Variants in ANKRD40CL observed in about 807,000 individuals in gnomAD.
The protein encoded by ANKRD40CL is ANKRD40 C-terminal like.
For missense variants in ANKRD40CL, 11 were observed against 6.4 expected (o/e 1.71, Z -0.77); for synonymous variants, 5 against 2.3 (o/e 2.14, Z -1.04).
At chr17:50,764,454 G>A in intron 2 of ANKRD40CL, 2 of 385,708 alleles carry the variant, frequency 5.2e-6, no homozygotes, top group East Asian at 7.4e-5. Context: ...TCATGAAAAG[G>A]AGCTGAGACA....
intron 1 of ANKRD40CL, 129 bp downstream of exon 1, chr17:50,767,334 G>T (rs1251437056): frequency 1.1e-5 from 4 of 369,250 alleles, no homozygotes; most frequent in Non-Finnish European, 1.6e-5. Context: ...TACACCAGGG[G>T]TAAGAAAAAC....
Position 50,766,885 on chromosome 17 carries a change from TC to T in ANKRD40CL, c.28del (p.Glu10ArgfsTer20). 1.5e-6 allele frequency: 1 copy of T among 667,608 alleles called. No homozygotes were observed. The highest frequency in any genetic ancestry group is 2.7e-5 in the East Asian group (1 of 36,944). 41.4% of individuals were successfully genotyped at this position (667,608 alleles called of 1,614,324 possible). MAEPEQDIG[E>X]KPAVRIQNPK... ...ACTCCCAGACTCACCTGCTGGCTTCTCCCCGATGTCCTGTTCCGGTTCAGCC... is the reference window on the plus strand; with the variant it reads ...ACTCCCAGACTCACCTGCTGGCTTCTCCCGATGTCCTGTTCCGGTTCAGCC... On this transcript the variant is annotated frameshift_variant, in exon 2 of 4. Coordinates refer to ENST00000450727, the MANE Select transcript of ANKRD40CL (RefSeq NM_001358683.3). LOFTEE classifies it high-confidence loss of function.
intron 2 of ANKRD40CL, 171 bp from the exon 3 acceptor site, chr17:50,763,728 G>A: frequency 2.5e-6 from 1 of 394,108 alleles, no homozygotes; most frequent in Non-Finnish European, 4.5e-6. Flanking sequence ...CATTAGCTGA[G>A]GGTTCTTTTC....
intron 2 of ANKRD40CL, 57 bp from the exon 3 acceptor site, chr17:50,763,614 A>C (rs944283240): frequency 1.0e-5 from 4 of 398,840 alleles, no homozygotes; most frequent in Non-Finnish European, 1.8e-5. Context: ...TAAAGGAAAC[A>C]AAATACCTGT....
intron 2 of ANKRD40CL, 144 bp from the exon 3 acceptor site, chr17:50,763,701 G>C: frequency 2.5e-6 from 1 of 396,418 alleles, no homozygotes; most frequent in Non-Finnish European, 4.4e-6. Context: ...AGCTTTCATG[G>C]GCACATACAC....
At chr17:50,766,159 C>T (rs189251086) in intron 2 of ANKRD40CL, among the ~76,000 whole-genome samples, 12 of 152,246 alleles carry the variant, frequency 7.9e-5, no homozygotes, top group South Asian at 2.1e-4. Flanking sequence ...CCCTAGTGAG[C>T]GGGGATCTGC....
At chr17:50,766,703 C>T in intron 2 of ANKRD40CL, 171 bp downstream of exon 2, 1 of 534,282 alleles carries the variant, frequency 1.9e-6, no homozygotes, top group Non-Finnish European at 3.3e-6. Flanking sequence ...ACACTTGCTT[C>T]CTTCTGAAAG....
chr17:50,766,890 G>T lies in ANKRD40CL; in HGVS notation c.24C>A (p.Ile8=). MAEPEQD[I]GEKPAVRIQN... ...CAGACTCACCTGCTGGCTTCTCCCCGATGTCCTGTTCCGGTTCAGCCATGA... is the reference window on the plus strand; with the variant it reads ...CAGACTCACCTGCTGGCTTCTCCCCTATGTCCTGTTCCGGTTCAGCCATGA... Residue 8 remains isoleucine, a synonymous_variant, in exon 2 of 4, where the codon ATC becomes ATA. Transcript: ENST00000450727. 1.5e-6 allele frequency: 1 copy of T among 674,980 alleles called. No homozygotes were observed. Among genetic ancestry groups the T allele is most frequent in the East Asian group, 2.7e-5 (1 of 36,986 alleles). 41.8% of individuals were successfully genotyped at this position (674,980 alleles called of 1,614,324 possible).
chr17:50,764,025 A>C lies in ANKRD40CL; in HGVS notation c.41-468T>G, dbSNP rs74794843. ...CCCCCACTCCTCCAGAAATAGGATA[A>C]TTCTACCATCTTTCAGGACAGTGGC... is the stretch of plus-strand genomic sequence containing the variant. On this transcript the variant is annotated intron_variant, in intron 2 of 3. Coordinates refer to ENST00000450727, the MANE Select transcript of ANKRD40CL (RefSeq NM_001358683.3). 1.0e-3 allele frequency: 407 copies of C among 396,736 alleles called. 2 individuals are homozygous for C. The highest frequency in any genetic ancestry group is 7.6e-3 in the African/African-American group (372 of 48,736). 24.6% of individuals were successfully genotyped at this position (396,736 alleles called of 1,614,324 possible).
intron 2 of ANKRD40CL, among the ~76,000 whole-genome samples, chr17:50,765,864 T>A (rs1971302173): frequency 6.6e-6 from 1 of 152,170 alleles, no homozygotes; most frequent in Non-Finnish European, 1.5e-5. Flanking sequence ...ACCATATGTA[T>A]GAGCTGAGGC....
chr17:50,762,597 C>G (rs1262296942), intron 3 of ANKRD40CL, among the ~76,000 whole-genome samples: 1 of 151,742 alleles, frequency 6.6e-6, no homozygotes, highest in Non-Finnish European at 1.5e-5. Flanking sequence ...AAAAAAATTG[C>G]CAAAGGAATT....
chr17:50,762,579 C>CA (rs1176087846), intron 3 of ANKRD40CL, among the ~76,000 whole-genome samples: 1 of 150,640 alleles, frequency 6.6e-6, no homozygotes, highest in Non-Finnish European at 1.5e-5. Flanking sequence ...CTCAAAAAAA[C>CA]AAAAAACAAA....
rs1178893474 is a variant in ANKRD40CL, at chr17:50,766,864, C to T, written c.40+10G>A. 1 of 649,234 alleles carries T rather than the reference C, an allele frequency of 1.5e-6. No individual in the cohort carries two copies. The highest frequency in any genetic ancestry group is 1.9e-5 in the African/African-American group (1 of 51,300). The allele number at this position is 649,234 out of a possible 1,614,324, so 40.2% of individuals were successfully genotyped here. On this transcript the variant is annotated intron_variant, in intron 2 of 3. Coordinates refer to ENST00000450727, the MANE Select transcript of ANKRD40CL (RefSeq NM_001358683.3). ...GAGGACCATGTTGGGAACAGGACTCCCAGACTCACCTGCTGGCTTCTCCCC... is the reference window on the plus strand; with the variant it reads ...GAGGACCATGTTGGGAACAGGACTCTCAGACTCACCTGCTGGCTTCTCCCC...
chr17:50,763,999 AC>A (rs1348296739), intron 2 of ANKRD40CL: 5 of 395,180 alleles, frequency 1.3e-5, no homozygotes, highest in Non-Finnish European at 2.2e-5. Flanking sequence ...CCTACCCACC[AC>A]CCCCACTCCT....
At chr17:50,763,985 G>A (rs892961581) in intron 2 of ANKRD40CL, 35 of 394,930 alleles carry the variant, frequency 8.9e-5, no homozygotes, top group Middle Eastern at 1.3e-3. Flanking sequence ...TCGCTCTTGA[G>A]ATTCCTACCC....
intron 2 of ANKRD40CL, 81 bp downstream of exon 2, chr17:50,766,793 A>G: frequency 1.7e-6 from 1 of 597,750 alleles, no homozygotes; most frequent in Non-Finnish European, 2.9e-6. Flanking sequence ...TGGCCACAGC[A>G]TCACCTGTGT....
Position 50,761,033 on chromosome 17 carries a change from A to ATTAT in ANKRD40CL, c.*326_*329dup, listed in dbSNP as rs58902684. Reference sequence around the variant, plus strand: ...TTCAGTTTTTTAATTCCTGGGATTGATTATTTATTTATTTATTTATTTTGA... The same window carrying ATTAT: ...TTCAGTTTTTTAATTCCTGGGATTGATTATTTATTTATTTATTTATTTATTTTGA... On this transcript the variant is annotated 3_prime_UTR_variant, in exon 4 of 4. Transcript: ENST00000450727. The ATTAT allele has an allele frequency of 2.6e-4, 39 of 148,712 alleles. No individual in the cohort carries two copies. The highest frequency in any genetic ancestry group is 3.3e-4 in the African/African-American group (13 of 39,836). The allele number at this position is 148,712 out of a possible 1,614,324, so 9.2% of individuals were successfully genotyped here.
At chr17:50,767,045 C>A in intron 1 of ANKRD40CL, 34 bp from the exon 2 acceptor site, 1 of 694,544 alleles carries the variant, frequency 1.4e-6, no homozygotes, top group South Asian at 1.5e-5. Flanking sequence ...CTTGCCAGCC[C>A]AGTGAGATAG....
In ANKRD40CL at chr17:50,764,004, C is replaced by G. The variant is rs1028057792; in HGVS notation, c.41-447G>C. On this transcript the variant is annotated intron_variant, in intron 2 of 3. Transcript: ENST00000450727. ...TCTTGAGATTCCTACCCACCACCCCCACTCCTCCAGAAATAGGATAATTCT... is the reference window on the plus strand; with the variant it reads ...TCTTGAGATTCCTACCCACCACCCCGACTCCTCCAGAAATAGGATAATTCT... The G allele has an allele frequency of 3.5e-4, 139 of 395,626 alleles. 1 individual carries two copies. The East Asian group carries it at 4.9e-3, about 14-fold the overall frequency. 24.5% of individuals were successfully genotyped at this position (395,626 alleles called of 1,614,324 possible).
Sources: allele counts gnomAD v4.1 joint callset (sites outside exome capture counted in the v4.1 genomes callset), GRCh38; gene constraint gnomAD v4.1.1; transcripts MANE v1.5; gene names NCBI Gene and HGNC (gene_info 2026-07-23, HGNC 2026-07-21).